The following EBF2 variants were observed in gnomAD, a reference collection of about 807,000 sequenced individuals.
EBF2 encodes the protein EBF transcription factor 2.
Under a neutral mutation model 72.8 loss-of-function variants are expected in EBF2, and 21 were observed. That is an observed-to-expected ratio of 0.29 (90% CI 0.20 to 0.42). The LOEUF is 0.42. Among genes scored for constraint, EBF2 ranks in the 10% least tolerant of loss-of-function variants. The pLI is 1.00. For missense variants in EBF2, 637 were observed against 731.2 expected (o/e 0.87, Z 1.49); for synonymous variants, 299 against 274.2 (o/e 1.09, Z -0.89).
rs779038966 is a variant in EBF2, at chr8:25,850,574, A to C, written c.1696+20T>G. 16 of 1,527,098 alleles carry C rather than the reference A, an allele frequency of 1.0e-5. No homozygotes were observed. Among genetic ancestry groups the C allele is most frequent in the Non-Finnish European group, 1.3e-5 (15 of 1,146,868 alleles). 94.6% of individuals were successfully genotyped at this position (1,527,098 alleles called of 1,614,324 possible). ...ACCCTATGGTACATTGTGTATCCCC[A>C]AAATAGAACCCTTGCTTACCTCTGA... On this transcript the variant is annotated intron_variant, in intron 15 of 15. Transcript: ENST00000520164.
intron 6 of EBF2, among the ~76,000 whole-genome samples, chr8:25,978,022 A>C (rs1804296517): frequency 6.6e-6 from 1 of 152,052 alleles, no homozygotes; most frequent in Non-Finnish European, 1.5e-5. Flanking sequence ...GGGAGATAGC[A>C]CCACAAACCC....
intron 15 of EBF2, 130 bp from the exon 16 acceptor site, chr8:25,844,770 G>T: frequency 1.7e-6 from 2 of 1,154,504 alleles, no homozygotes; most frequent in Non-Finnish European, 2.6e-6. Context: ...GCCCTCAGCT[G>T]ATATGAGGAC....
intron 1 of EBF2, among the ~76,000 whole-genome samples, chr8:26,043,146 G>A (rs1319449337): frequency 6.6e-6 from 1 of 152,228 alleles, no homozygotes; most frequent in Non-Finnish European, 1.5e-5. Flanking sequence ...CGAGCGTGCT[G>A]AGTGTGTGCA....
chr8:25,923,313 G>C (rs1299183924), intron 6 of EBF2, among the ~76,000 whole-genome samples: 1 of 152,216 alleles, frequency 6.6e-6, no homozygotes, highest in Non-Finnish European at 1.5e-5. Context: ...ACATGAGTCA[G>C]AATTTATGAG....
At chr8:25,887,134 T>G (rs1802704013) in intron 9 of EBF2, among the ~76,000 whole-genome samples, 1 of 151,592 alleles carries the variant, frequency 6.6e-6, no homozygotes, top group East Asian at 2.0e-4. Flanking sequence ...TCTCTCTCTC[T>G]CTGTCTGTCT....
intron 6 of EBF2, among the ~76,000 whole-genome samples, chr8:25,991,581 C>T (rs1399947197): frequency 6.6e-6 from 1 of 152,164 alleles, no homozygotes; most frequent in Non-Finnish European, 1.5e-5. Flanking sequence ...TGCAGTGGCT[C>T]ATGCCTGTAA....
chr8:26,039,216 A>AT (rs1585237548), intron 5 of EBF2, among the ~76,000 whole-genome samples: 1 of 151,544 alleles, frequency 6.6e-6, no homozygotes, highest in East Asian at 1.9e-4. Context: ...AATTCTTCTG[A>AT]TTTTTTAAAC....
At chr8:26,020,214 C>T (rs77135330) in intron 6 of EBF2, among the ~76,000 whole-genome samples, 2 of 152,280 alleles carry the variant, frequency 1.3e-5, no homozygotes, top group South Asian at 2.1e-4. Context: ...CCTGTCATGA[C>T]CAAATATTAA....
chr8:25,888,588 G>A (rs1374107350), intron 8 of EBF2, among the ~76,000 whole-genome samples: 2 of 152,184 alleles, frequency 1.3e-5, no homozygotes, highest in African/African-American at 2.4e-5. Context: ...GAGAGAGGGG[G>A]AGAAAGCAAA....
chr8:25,974,943 G>A (rs760748654), intron 6 of EBF2, among the ~76,000 whole-genome samples: 3 of 152,018 alleles, frequency 2.0e-5, no homozygotes, highest in Non-Finnish European at 2.9e-5. Flanking sequence ...CGGCTGCCCC[G>A]CCCCTCTTGT....
In EBF2 at chr8:25,986,938, A is replaced by C. The variant is rs577003656; in HGVS notation, c.551+46147T>G. ...GGCAACATGGGGAGCCCAGGCCTCC[A>C]CCTGGCCATGACACCCTCACCCCCA... is the stretch of plus-strand genomic sequence containing the variant. On this transcript the variant is annotated intron_variant, in intron 6 of 15. Coordinates refer to ENST00000520164, the MANE Select transcript of EBF2 (RefSeq NM_022659.4). Among the ~76,000 whole-genome samples the C allele has an allele frequency of 1.2e-3, 183 of 152,328 alleles. 1 individual carries two copies. The highest frequency in any genetic ancestry group is 2.2e-3 in the Non-Finnish European group (147 of 68,026).
intron 6 of EBF2, among the ~76,000 whole-genome samples, chr8:26,014,757 T>C (rs77646267): frequency 8.1e-4 from 124 of 152,296 alleles, no homozygotes; most frequent in African/African-American, 2.9e-3. Flanking sequence ...ATAATACTAA[T>C]TCTTATAGGT....
At chr8:25,893,262 A>C (rs1222600209) in intron 7 of EBF2, among the ~76,000 whole-genome samples, 1 of 144,060 alleles carries the variant, frequency 6.9e-6, no homozygotes. Flanking sequence ...TTTGGGCTTT[A>C]ATTCTTCCAT....
At chr8:26,030,213 G>A (rs888945730) in intron 6 of EBF2, among the ~76,000 whole-genome samples, 4 of 152,246 alleles carry the variant, frequency 2.6e-5, no homozygotes, top group Non-Finnish European at 5.9e-5. Context: ...CAAGGTTTCA[G>A]TGAGAGAACT....
chr8:25,921,715 C>T (rs1297064444), intron 6 of EBF2, among the ~76,000 whole-genome samples: 1 of 152,222 alleles, frequency 6.6e-6, no homozygotes, highest in Admixed American at 6.5e-5. Context: ...TTTGTGCTAA[C>T]TCTGGTCATC....
At chr8:25,997,619 C>T (rs1804656335) in intron 6 of EBF2, among the ~76,000 whole-genome samples, 1 of 151,524 alleles carries the variant, frequency 6.6e-6, no homozygotes, top group African/African-American at 2.4e-5. Context: ...TAACCATCTC[C>T]ATCTGACATG....
chr8:26,014,628 C>A (rs1190632492), intron 6 of EBF2, among the ~76,000 whole-genome samples: 1 of 152,128 alleles, frequency 6.6e-6, no homozygotes, highest in African/African-American at 2.4e-5. Context: ...CACTGATCAC[C>A]CAAAGCAAGC....
chr8:26,030,822 A>G (rs1467042859), intron 6 of EBF2, among the ~76,000 whole-genome samples: 1 of 152,248 alleles, frequency 6.6e-6, no homozygotes, highest in Non-Finnish European at 1.5e-5. Flanking sequence ...TGCAGCCAAG[A>G]TACGATTTCC....
chr8:26,040,913 C>T (rs1475196142), intron 3 of EBF2, 26 bp downstream of exon 3: 2 of 1,613,826 alleles, frequency 1.2e-6, no homozygotes, highest in Non-Finnish European at 8.5e-7. Context: ...TAGGCGCCGG[C>T]TCACCGTTGC....
Sources: gnomAD v4.1 joint callset for allele counts (sites outside exome capture counted in the v4.1 genomes callset) on GRCh38, gnomAD v4.1.1 for gene constraint, MANE v1.5 for transcripts, NCBI Gene and HGNC (gene_info 2026-07-23, HGNC 2026-07-21) for gene names.